Variants in QRICH2 observed in about 807,000 individuals in gnomAD.
The protein encoded by QRICH2 is glutamine-rich protein 2.
In QRICH2, 119 loss-of-function variants were observed where a neutral mutation model predicts 168.3. That is an observed-to-expected ratio of 0.71 (90% CI 0.61 to 0.82). The LOEUF (loss-of-function observed/expected upper bound fraction) is 0.82, where lower values mean the gene tolerates loss of function less well. QRICH2 is among the 40% of genes least tolerant of loss of function. The pLI is 0.00. For synonymous variants in QRICH2, 894 were observed against 951.2 expected, an observed-to-expected ratio of 0.94 and a Z score of 1.11; for missense variants, 2,241 against 2,491.6, an observed-to-expected ratio of 0.90 and a Z score of 2.14.
intron 3 of QRICH2, among the ~76,000 whole-genome samples, chr17:76,298,181 ATTT>A (rs1244588706): frequency 3.6e-5 from 3 of 84,250 alleles, no homozygotes; most frequent in African/African-American, 5.4e-5. Flanking sequence ...TTTCTGGCTA[ATTT>A]TTTTTTTTTT....
chr17:76,308,051 G>A lies in QRICH2; in HGVS notation c.-53C>T, dbSNP rs939106442. On this transcript the variant is annotated 5_prime_UTR_variant, in exon 1 of 19. Coordinates refer to ENST00000680821, the MANE Select transcript of QRICH2 (RefSeq NM_001388453.1). Reference sequence around the variant, plus strand: ...GCGGGGCGCCGGCCAACCACTTCCCGCTCACTGCACGCCGCGCCTTGGGGC... The same window carrying A: ...GCGGGGCGCCGGCCAACCACTTCCCACTCACTGCACGCCGCGCCTTGGGGC... The A allele has an allele frequency of 5.0e-5, 62 of 1,230,894 alleles. No homozygotes were observed. In the Admixed American group the frequency reaches 2.3e-3, roughly 46 times the overall value. The allele number at this position is 1,230,894 out of a possible 1,614,324, so 76.2% of individuals were successfully genotyped here.
In QRICH2 at chr17:76,307,646, T is replaced by C; in HGVS notation, c.353A>G (p.Lys118Arg). The change falls in exon 1 of 19, where the codon AAG becomes AGG. Residue 118 changes from lysine to arginine, a missense_variant. Transcript: ENST00000680821. The surrounding 1 kb of genome is among the most constrained non-coding windows in gnomAD (Gnocchi z 5.3). ...GQVEDLSKQL[K>R]RVDGQVQGIA... ...GCCCTGCACCTGGCCGTCCACACGC[T>C]TGAGCTGCTTGCTCAGGTCCTCCAC... The C allele has an allele frequency of 6.7e-7, 1 of 1,484,044 alleles. No individual in the cohort carries two copies. Among genetic ancestry groups the C allele is most frequent in the South Asian group, 1.3e-5 (1 of 74,510 alleles). The allele number at this position is 1,484,044 out of a possible 1,614,324, so 91.9% of individuals were successfully genotyped here.
At chr17:76,309,051 A>G (rs1285964896), upstream of QRICH2, among the ~76,000 whole-genome samples, 1 of 144,106 alleles carries the variant, frequency 6.9e-6, no homozygotes, top group Admixed American at 6.9e-5. Flanking sequence ...CCAGCCTGCC[A>G]TAAATTAATT....
At chr17:76,302,187 C>T (rs2070915691) in intron 3 of QRICH2, among the ~76,000 whole-genome samples, 3 of 152,048 alleles carry the variant, frequency 2.0e-5, no homozygotes, top group Non-Finnish European at 4.4e-5. Context: ...TGTGAGCCAC[C>T]GCGCCGGCCG....
At position 76,281,876 on chromosome 17, in the gene QRICH2, C is replaced by G. The variant is rs1482145168; in HGVS notation, c.4251G>C (p.Lys1417Asn). The G allele has an allele frequency of 6.2e-7, 1 of 1,613,236 alleles. No homozygotes were observed. Among genetic ancestry groups the G allele is most frequent in the Non-Finnish European group, 8.5e-7 (1 of 1,179,788 alleles). The change falls in exon 8 of 19, where the codon AAG becomes AAC. Residue 1417 changes from lysine to asparagine, a missense_variant. Physicochemically the swap from Lys to Asn is moderately conservative, Grantham distance 94. Around this residue, in one of 3 missense-constraint regions of QRICH2, gnomAD observed 2,047 missense variants for 2,303.8 expected, o/e 0.89. Coordinates refer to ENST00000680821, the MANE Select transcript of QRICH2 (RefSeq NM_001388453.1). The surrounding 1 kb of genome is among the most constrained non-coding windows in gnomAD (Gnocchi z 4.4). ...AGCAGAGCCCCACCTGTCTCTGGAGCTTGGCCTTCTTGGAGGGTCGGGAGA... is the reference window on the plus strand; with the variant it reads ...AGCAGAGCCCCACCTGTCTCTGGAGGTTGGCCTTCTTGGAGGGTCGGGAGA... ...LAVSRPSKKAKLQRQDEELLG... is the reference protein window; with the variant it reads ...LAVSRPSKKANLQRQDEELLG...
intron 7 of QRICH2, among the ~76,000 whole-genome samples, chr17:76,285,414 G>T (rs1341966040): frequency 6.6e-6 from 1 of 151,894 alleles, no homozygotes; most frequent in East Asian, 2.0e-4. Context: ...TTACAGGCGT[G>T]AGCCACCACA....
rs752684270 is a variant in QRICH2, at chr17:76,279,066, C to T, written c.4891G>A (p.Glu1631Lys). 3.7e-6 allele frequency: 6 copies of T among 1,613,982 alleles called. No homozygotes were observed. Among genetic ancestry groups the T allele is most frequent in the Middle Eastern group, 1.6e-4 (1 of 6,062 alleles). ...TTGCGGCTATGCTGCCGGACCTGCT[C>T]CAGTTCAAACACCGTGTAGGGGCGG... ...SIRPYTVFEL[E>K]QVRQHSRNLK... Residue 1631 changes from glutamate (E) to lysine (K), a missense_variant, in exon 14 of 19, where the codon GAG becomes AAG. Coordinates refer to ENST00000680821, the MANE Select transcript of QRICH2 (RefSeq NM_001388453.1).
chr17:76,307,742 T>C lies in QRICH2; in HGVS notation c.257A>G (p.Glu86Gly). 4.3e-6 allele frequency: 6 copies of C among 1,382,658 alleles called. No homozygotes were observed. The highest frequency in any genetic ancestry group is 5.6e-6 in the Non-Finnish European group (6 of 1,071,976). 85.6% of individuals were successfully genotyped at this position (1,382,658 alleles called of 1,614,324 possible). ...CGCCTGGCCCACGCCCCTGCGCTTC[T>C]CCCGGGGCGCCCCCTTGGGCACCTC... ...PKEVPKGAPR[E>G]KRRGVGQAPS... The change falls in exon 1 of 19, where the codon GAG becomes GGG. Residue 86 changes from glutamate to glycine, a missense_variant. This residue lies in a region of QRICH2 where 2,047 missense variants were observed against 2,303.8 expected (regional missense o/e 0.89). Coordinates refer to ENST00000680821, the MANE Select transcript of QRICH2 (RefSeq NM_001388453.1). This position sits in a 1 kb window ranked among gnomAD's most constrained non-coding sequence, Gnocchi z 5.3.
chr17:76,297,617 C>T (rs2070817935), intron 3 of QRICH2, among the ~76,000 whole-genome samples: 1 of 152,166 alleles, frequency 6.6e-6, no homozygotes. Flanking sequence ...AGACATGACC[C>T]ATAATGAGGA....
At chr17:76,299,238 C>T (rs2070855799) in intron 3 of QRICH2, among the ~76,000 whole-genome samples, 1 of 152,024 alleles carries the variant, frequency 6.6e-6, no homozygotes, top group East Asian at 1.9e-4. Context: ...TGGCTTTGGG[C>T]TAGTGGGTTA....
In QRICH2 at chr17:76,304,935, A is replaced by T. The variant is rs750625203; in HGVS notation, c.541T>A (p.Leu181Ile). 6.2e-7 allele frequency: 1 copy of T among 1,612,968 alleles called. No individual in the cohort carries two copies. The highest frequency in any genetic ancestry group is 8.5e-7 in the Non-Finnish European group (1 of 1,179,208). The change falls in exon 2 of 19, where the codon TTA becomes ATA. Residue 181 changes from leucine to isoleucine, a missense_variant. This residue lies in a region of QRICH2 where 2,047 missense variants were observed against 2,303.8 expected (regional missense o/e 0.89). Coordinates refer to ENST00000680821, the MANE Select transcript of QRICH2 (RefSeq NM_001388453.1). ...TTCTCTAGTTCATCAACCCGCTGTA[A>T]AAGTACCTGGAAGAAGAGTTCAGGA... is the stretch of plus-strand genomic sequence containing the variant. ...AEELSFARVL[L>I]QRVDELEKLF... is the part of the protein sequence containing the mutation.
In QRICH2 at chr17:76,304,917, G is replaced by A; in HGVS notation, c.559C>T (p.Leu187=). 5 of 1,613,650 alleles carry A rather than the reference G, an allele frequency of 3.1e-6. No homozygotes were observed. Among genetic ancestry groups the A allele is most frequent in the Non-Finnish European group, 4.2e-6 (5 of 1,179,650 alleles). ...ARVLLQRVDE[L]EKLFKDREQF... is the part of the protein sequence containing the mutation. Reference sequence around the variant, plus strand: ...TCCCGATCTTTGAATAGCTTCTCTAGTTCATCAACCCGCTGTAAAAGTACC... The same window carrying A: ...TCCCGATCTTTGAATAGCTTCTCTAATTCATCAACCCGCTGTAAAAGTACC... The change falls in exon 2 of 19, where the codon CTA becomes TTA. Residue 187 remains leucine, a synonymous_variant. Coordinates refer to ENST00000680821, the MANE Select transcript of QRICH2 (RefSeq NM_001388453.1).
At chr17:76,288,811 T>C (rs1435579610) in intron 5 of QRICH2, among the ~76,000 whole-genome samples, 1 of 148,790 alleles carries the variant, frequency 6.7e-6, no homozygotes, top group Admixed American at 6.7e-5. Flanking sequence ...CCACAGATAA[T>C]GAAAAGAGCA....
rs772073650 is a variant in QRICH2, at chr17:76,307,432, A to G, written c.534+33T>C. The G allele has an allele frequency of 6.2e-6, 10 of 1,609,490 alleles. No homozygotes were observed. Among genetic ancestry groups the G allele is most frequent in the Non-Finnish European group, 7.6e-6 (9 of 1,176,558 alleles). ...CTGGAGGGCGGCCTGGAGGAGGCAG[A>G]CGGCCTGCGCGTGCCTCCGTGTGCG... On this transcript the variant is annotated intron_variant, in intron 1 of 18. Transcript: ENST00000680821. This position sits in a 1 kb window ranked among gnomAD's most constrained non-coding sequence, Gnocchi z 5.3.
chr17:76,305,165 C>CTTTTTT (rs371179936), intron 1 of QRICH2, among the ~76,000 whole-genome samples: 7,175 of 129,632 alleles, frequency 0.055, 428 homozygotes, highest in African/African-American at 0.14. Flanking sequence ...TTTTGGTTTC[C>CTTTTTT]TTTTTTTTTT....
At position 76,281,517 on chromosome 17, in the gene QRICH2, G is replaced by T. The variant is rs1009506252; in HGVS notation, c.4263+347C>A. On this transcript the variant is annotated intron_variant, in intron 8 of 18. Coordinates refer to ENST00000680821, the MANE Select transcript of QRICH2 (RefSeq NM_001388453.1). The surrounding 1 kb of genome is among the most constrained non-coding windows in gnomAD (Gnocchi z 4.4). ...CCCTTTCTAGGGAAATTGAGAAGGG[G>T]TTGGAAGACTCGCGTGCCAGGGAGT... 6.6e-6 allele frequency among the ~76,000 whole-genome samples: 1 copy of T among 152,220 alleles called. No homozygotes were observed. Among genetic ancestry groups the T allele is most frequent in the Non-Finnish European group, 1.5e-5 (1 of 68,038 alleles).
At chr17:76,277,763 C>T (rs768900791) in intron 15 of QRICH2, among the ~76,000 whole-genome samples, 2 of 152,026 alleles carry the variant, frequency 1.3e-5, no homozygotes, top group Middle Eastern at 3.2e-3. Flanking sequence ...CACACGCACT[C>T]ATACACACAC....
Position 76,293,673 on chromosome 17 carries a change from G to C in QRICH2, c.1054C>G (p.Gln352Glu). ...HRSREKLTSTQPRRNARPGPV... is the reference protein window; with the variant it reads ...HRSREKLTSTEPRRNARPGPV... ...CCAGGACGTGCATTTCTTCTTGGTT[G>C]TGTCGAGGTAAGCTTCTCTCTACTC... is the stretch of plus-strand genomic sequence containing the variant. The change falls in exon 4 of 19, where the codon CAA (glutamine) becomes GAA (glutamate). Residue 352 changes from glutamine to glutamate, a missense_variant. Gln to Glu is a conservative substitution (Grantham distance 29). Transcript: ENST00000680821. The C allele has an allele frequency of 6.2e-7, 1 of 1,614,198 alleles. No individual in the cohort carries two copies. Among genetic ancestry groups the C allele is most frequent in the Middle Eastern group, 1.6e-4 (1 of 6,062 alleles).
chr17:76,292,859 G>C lies in QRICH2; in HGVS notation c.1868C>G (p.Pro623Arg). 3 of 1,603,320 alleles carry C rather than the reference G, an allele frequency of 1.9e-6. No homozygotes were observed. The highest frequency in any genetic ancestry group is 2.5e-6 in the Non-Finnish European group (3 of 1,179,718). Residue 623 changes from proline (P) to arginine (R), a missense_variant, in exon 4 of 19, where the codon CCT becomes CGT. Around this residue, in one of 3 missense-constraint regions of QRICH2, gnomAD observed 2,047 missense variants for 2,303.8 expected, o/e 0.89. Coordinates refer to ENST00000680821, the MANE Select transcript of QRICH2 (RefSeq NM_001388453.1). The stretch of plus-strand genomic sequence containing the variant: ...GGCCAAACCAGACTGATCCATTCCA[G>C]GCCAGACCAAACCACGCTGATCTGC... ...PGADQRGLVWPGMDQSGLAQP... is the reference protein window; with the variant it reads ...PGADQRGLVWRGMDQSGLAQP...
Sources: allele counts gnomAD v4.1 joint callset (sites outside exome capture counted in the v4.1 genomes callset), GRCh38; gene constraint gnomAD v4.1.1; regional missense constraint gnomAD v4.1.1; non-coding constraint Gnocchi (gnomAD v3.1); transcripts MANE v1.5; gene names NCBI Gene and HGNC (gene_info 2026-07-23, HGNC 2026-07-21).